The following LCORL variants were observed in gnomAD, a reference collection of about 807,000 sequenced individuals.
LCORL encodes the protein ligand dependent nuclear receptor corepressor like.
A neutral mutation model predicts 141.8 loss-of-function variants in LCORL; 41 were observed. The observed-to-expected ratio is 0.29, with a 90% CI of 0.23 to 0.38. The LOEUF (loss-of-function observed/expected upper bound fraction) is 0.38, where lower values mean the gene tolerates loss of function less well. LCORL is among the 10% of genes least tolerant of loss of function. LCORL has a pLI of 1.00. For synonymous variants in LCORL, 618 were observed against 694.1 expected (o/e 0.89, Z 1.72); for missense variants, 1,759 against 2,035.0 (o/e 0.86, Z 2.61).
At chr4:17,900,305 CTT>C (rs1372694487) in intron 5 of LCORL, among the ~76,000 whole-genome samples, 2 of 152,140 alleles carry the variant, frequency 1.3e-5, no homozygotes, top group African/African-American at 2.4e-5. Flanking sequence ...TGAACAATCT[CTT>C]GATTTTCACC....
chr4:17,941,697 GAAGGGT>G (rs1737988276), intron 4 of LCORL, among the ~76,000 whole-genome samples: 1 of 152,104 alleles, frequency 6.6e-6, no homozygotes, highest in Non-Finnish European at 1.5e-5. Context: ...AATTGAAAAG[GAAGGGT>G]AAACCATTTT....
chr4:17,993,623 G>A (rs1720421752), intron 1 of LCORL, among the ~76,000 whole-genome samples: 1 of 152,204 alleles, frequency 6.6e-6, no homozygotes, highest in South Asian at 2.1e-4. Flanking sequence ...AGATCCTGAG[G>A]AGCCTAGTTA....
intron 5 of LCORL, among the ~76,000 whole-genome samples, chr4:17,897,212 T>TCC (rs573166245): frequency 2.1e-5 from 1 of 48,434 alleles, no homozygotes; most frequent in African/African-American, 7.6e-5. Context: ...TATACTGATT[T>TCC]CTTTTTTTTT....
At chr4:17,911,783 C>T (rs1354155552) in intron 4 of LCORL, 3 of 456,020 alleles carry the variant, frequency 6.6e-6, no homozygotes, top group East Asian at 1.1e-4. Context: ...GGCGTCTATG[C>T]AGGTGCCGGG....
intron 7 of LCORL, among the ~76,000 whole-genome samples, chr4:17,871,562 G>A (rs1057511028): frequency 6.6e-5 from 10 of 151,738 alleles, no homozygotes; most frequent in African/African-American, 9.7e-5. Flanking sequence ...GACAAAATAC[G>A]GTTCTGTTGT....
At position 17,919,267 on chromosome 4, in the gene LCORL, C is replaced by T. The variant is rs146051309; in HGVS notation, c.431-9922G>A. Among the ~76,000 whole-genome samples the T allele has an allele frequency of 3.2e-3, 483 of 152,016 alleles. 4 individuals carry two copies. Among genetic ancestry groups the T allele is most frequent in the African/African-American group, 0.011 (452 of 41,496 alleles). On this transcript the variant is annotated intron_variant, in intron 4 of 7. Transcript: ENST00000635767. ...ACTGAATTCATAACCAAAAATTTAC[C>T]CCAAAGAGAGGCCCAGGAACAAATG...
chr4:17,945,849 T>C (rs1738791854), intron 4 of LCORL, among the ~76,000 whole-genome samples: 1 of 151,984 alleles, frequency 6.6e-6, no homozygotes, highest in African/African-American at 2.4e-5. Flanking sequence ...TCACAGTAGT[T>C]TCACTCTAAA....
At chr4:17,900,845 G>A (rs1280737470) in intron 5 of LCORL, among the ~76,000 whole-genome samples, 7 of 152,058 alleles carry the variant, frequency 4.6e-5, no homozygotes, top group Non-Finnish European at 8.8e-5. Flanking sequence ...AAAAGTGAGA[G>A]TAAAAATATA....
intron 1 of LCORL, among the ~76,000 whole-genome samples, chr4:17,982,144 G>A (rs1189368567): frequency 5.1e-5 from 7 of 136,792 alleles, no homozygotes; most frequent in Admixed American, 2.9e-4. Context: ...GTGTGTGTGT[G>A]TATACAAGAT....
intron 4 of LCORL, among the ~76,000 whole-genome samples, chr4:17,934,820 CTG>C (rs1736593342): frequency 6.6e-6 from 1 of 152,022 alleles, no homozygotes. Flanking sequence ...ATTAGTAAAA[CTG>C]TTTTTCTTCA....
At chr4:17,876,167 T>G in exon 7 of LCORL, 1 of 1,230,996 alleles carries the variant, frequency 8.1e-7, no homozygotes, top group Non-Finnish European at 1.0e-6. Context: ...ATTTTGCTGG[T>G]ACATTTTCAA....
chr4:17,992,434 C>T (rs573891170), intron 1 of LCORL, among the ~76,000 whole-genome samples: 7 of 152,306 alleles, frequency 4.6e-5, no homozygotes, highest in Non-Finnish European at 7.4e-5. Flanking sequence ...GACTATATCA[C>T]TGCTTGTCAT....
chr4:17,940,499 T>A (rs1406797916), intron 4 of LCORL, among the ~76,000 whole-genome samples: 2 of 148,696 alleles, frequency 1.3e-5, no homozygotes, highest in African/African-American at 4.9e-5. Context: ...TTATGTAATA[T>A]ATGTAATACA....
intron 1 of LCORL, among the ~76,000 whole-genome samples, chr4:17,984,860 A>C (rs1438839139): frequency 1.3e-5 from 2 of 151,328 alleles, no homozygotes; most frequent in African/African-American, 4.9e-5. Context: ...TTAGGCTGTT[A>C]ATTTGAGATC....
chr4:17,916,123 T>C (rs1733358492), intron 4 of LCORL, among the ~76,000 whole-genome samples: 1 of 152,206 alleles, frequency 6.6e-6, no homozygotes, highest in African/African-American at 2.4e-5. Flanking sequence ...TGGCACCACA[T>C]CATGAATCCC....
At chr4:18,002,625 A>T (rs1448813599) in intron 1 of LCORL, among the ~76,000 whole-genome samples, 1 of 152,210 alleles carries the variant, frequency 6.6e-6, no homozygotes, top group Non-Finnish European at 1.5e-5. Flanking sequence ...AGTACATCAG[A>T]CAACCAACAT....
intron 1 of LCORL, among the ~76,000 whole-genome samples, chr4:17,994,202 T>C (rs1328957595): frequency 1.3e-5 from 2 of 152,208 alleles, no homozygotes; most frequent in African/African-American, 4.8e-5. Flanking sequence ...AGAATCAAAA[T>C]ATTTTTAAAT....
intron 2 of LCORL, among the ~76,000 whole-genome samples, chr4:17,971,302 C>CA (rs2109659846): frequency 6.6e-6 from 1 of 151,984 alleles, no homozygotes; most frequent in South Asian, 2.1e-4. Flanking sequence ...TAGAATGAGT[C>CA]AATATACAGT....
intron 1 of LCORL, among the ~76,000 whole-genome samples, chr4:17,990,367 C>G (rs1229309556): frequency 1.4e-5 from 2 of 147,674 alleles, no homozygotes; most frequent in Non-Finnish European, 3.0e-5. Context: ...CCAAAGTGCT[C>G]GGATTACAGG....
Sources: allele counts gnomAD v4.1 joint callset (sites outside exome capture counted in the v4.1 genomes callset), GRCh38; gene constraint gnomAD v4.1.1; transcripts MANE v1.5; gene names NCBI Gene and HGNC (gene_info 2026-07-23, HGNC 2026-07-21).